The following HSD17B12 variants were observed in gnomAD, a reference collection of about 807,000 sequenced individuals.
The protein encoded by HSD17B12 is very-long-chain 3-oxoacyl-CoA reductase.
Under a neutral mutation model 39.3 loss-of-function variants are expected in HSD17B12, and 32 were observed. That is an observed-to-expected ratio of 0.81 (90% CI 0.61 to 1.09). HSD17B12 has a LOEUF of 1.09. Ranked by LOEUF, HSD17B12 falls within the 50% of genes least tolerant of loss-of-function variation. The probability of loss-of-function intolerance (pLI) is 0.00; values close to 1 mark genes in which losing one functional copy is unlikely to be tolerated. For synonymous variants in HSD17B12, 150 were observed against 146.7 expected (o/e 1.02, Z -0.16); for missense variants, 342 against 382.9 (o/e 0.89, Z 0.89).
chr11:43,574,582 G>C, the HSD17B12 span, among the ~76,000 whole-genome samples: 1 of 151,958 alleles, frequency 6.6e-6, no homozygotes, highest in Non-Finnish European at 1.5e-5. Flanking sequence ...GTCATGCTGA[G>C]GTGTGGCATT....
chr11:43,582,433 C>G, the HSD17B12 span, among the ~76,000 whole-genome samples: 4 of 152,202 alleles, frequency 2.6e-5, no homozygotes, highest in Admixed American at 2.0e-4. Flanking sequence ...CAAATCAGGC[C>G]TTCACCACGC....
At chr11:43,714,413 T>C (rs1183157037) in intron 1 of HSD17B12, among the ~76,000 whole-genome samples, 1 of 152,262 alleles carries the variant, frequency 6.6e-6, no homozygotes, top group East Asian at 1.9e-4. Context: ...TTGTCAGGTT[T>C]GTCAAAGATC....
At chr11:43,571,097 C>T in the HSD17B12 span, among the ~76,000 whole-genome samples, 3 of 152,178 alleles carry the variant, frequency 2.0e-5, no homozygotes, top group Admixed American at 2.0e-4. Context: ...AGTAGATCAG[C>T]AGCTAATTGC....
chr11:43,720,558 A>G (rs1250771552), intron 1 of HSD17B12, among the ~76,000 whole-genome samples: 2 of 152,200 alleles, frequency 1.3e-5, no homozygotes, highest in East Asian at 3.8e-4. Flanking sequence ...CCCAAAACCA[A>G]TGCTGCATAT....
the HSD17B12 span, chr11:43,584,689 G>A: frequency 6.6e-6 from 1 of 152,278 alleles, no homozygotes; most frequent in African/African-American, 2.4e-5. Flanking sequence ...GTACCAAGAT[G>A]TCAGCCCATG....
At chr11:43,748,668 T>C (rs1354996949) in intron 1 of HSD17B12, among the ~76,000 whole-genome samples, 1 of 152,090 alleles carries the variant, frequency 6.6e-6, no homozygotes, top group Non-Finnish European at 1.5e-5. Context: ...TTGGAGGAGA[T>C]TTTATAAGAT....
chr11:43,799,132 C>T (rs903225852), intron 4 of HSD17B12, among the ~76,000 whole-genome samples: 5 of 151,922 alleles, frequency 3.3e-5, no homozygotes, highest in South Asian at 2.1e-4. Context: ...TATTACCCCC[C>T]GAGAAGACTT....
intron 3 of HSD17B12, among the ~76,000 whole-genome samples, chr11:43,789,297 C>A: frequency 6.6e-6 from 1 of 152,192 alleles, no homozygotes; most frequent in Admixed American, 6.5e-5. Flanking sequence ...TTATTGTCCT[C>A]AGGGTGAAGC....
At chr11:43,755,926 A>C (rs1413129327) in intron 3 of HSD17B12, among the ~76,000 whole-genome samples, 2 of 152,226 alleles carry the variant, frequency 1.3e-5, no homozygotes, top group Non-Finnish European at 2.9e-5. Flanking sequence ...AGGCCTCACA[A>C]TCATGGCGGA....
chr11:43,653,340 A>G, the HSD17B12 span, among the ~76,000 whole-genome samples: 1 of 152,138 alleles, frequency 6.6e-6, no homozygotes, highest in Non-Finnish European at 1.5e-5. Context: ...TAAAACCATA[A>G]AACTTTAGAA....
At chr11:43,786,423 A>G (rs539774002) in intron 3 of HSD17B12, among the ~76,000 whole-genome samples, 1 of 152,342 alleles carries the variant, frequency 6.6e-6, no homozygotes, top group East Asian at 1.9e-4. Context: ...AATGACTTCC[A>G]ATACAGCCGG....
At chr11:43,690,053 A>T (rs1366551790) in intron 1 of HSD17B12, among the ~76,000 whole-genome samples, 1 of 151,576 alleles carries the variant, frequency 6.6e-6, no homozygotes, top group Non-Finnish European at 1.5e-5. Context: ...ACTCTCCTTC[A>T]AGTCTTTGCA....
At chr11:43,614,588 T>C in the HSD17B12 span, among the ~76,000 whole-genome samples, 3 of 152,288 alleles carry the variant, frequency 2.0e-5, no homozygotes, top group East Asian at 5.8e-4. Context: ...TTTCATAAAA[T>C]GTAGGGGGAA....
At chr11:43,668,801 A>G in the HSD17B12 span, among the ~76,000 whole-genome samples, 1 of 152,072 alleles carries the variant, frequency 6.6e-6, no homozygotes, top group Non-Finnish European at 1.5e-5. Context: ...CTCCTGGCTC[A>G]GATGATCCTC....
intron 1 of HSD17B12, among the ~76,000 whole-genome samples, chr11:43,750,361 G>A (rs1297234996): frequency 6.6e-6 from 1 of 151,984 alleles, no homozygotes; most frequent in Admixed American, 6.6e-5. Context: ...TTCATGTTTT[G>A]CATATATCAG....
chr11:43,785,482 G>T (rs971174521), intron 3 of HSD17B12, among the ~76,000 whole-genome samples: 1 of 152,150 alleles, frequency 6.6e-6, no homozygotes, highest in Non-Finnish European at 1.5e-5. Context: ...CTTCCAGGAT[G>T]TGACTAGAGC....
At chr11:43,752,632 T>C (rs1389784337) in intron 2 of HSD17B12, among the ~76,000 whole-genome samples, 2 of 152,006 alleles carry the variant, frequency 1.3e-5, no homozygotes, top group Admixed American at 6.6e-5. Flanking sequence ...GAGAATCGCT[T>C]GAACCCAGGA....
chr11:43,597,571 G>A, the HSD17B12 span, among the ~76,000 whole-genome samples: 1 of 152,134 alleles, frequency 6.6e-6, no homozygotes, highest in Non-Finnish European at 1.5e-5. Context: ...TGGAAATGGG[G>A]CTGGCAAGTG....
chr11:43,672,061 T>G, the HSD17B12 span, among the ~76,000 whole-genome samples: 1 of 152,192 alleles, frequency 6.6e-6, no homozygotes, highest in Admixed American at 6.5e-5. Context: ...TTTTTTATTT[T>G]TTTTAGAGAC....
Sources: gnomAD v4.1 joint callset for allele counts (sites outside exome capture counted in the v4.1 genomes callset) on GRCh38, gnomAD v4.1.1 for gene constraint, MANE v1.5 for transcripts, NCBI Gene and HGNC (gene_info 2026-07-23, HGNC 2026-07-21) for gene names.